Variants in PDE7A observed in about 807,000 individuals in gnomAD.
PDE7A encodes the protein high affinity 3',5'-cyclic-AMP phosphodiesterase 7A.
A neutral mutation model predicts 64.3 loss-of-function variants in PDE7A; 39 were observed. That is an observed-to-expected ratio of 0.61 (90% confidence interval 0.47 to 0.79). The LOEUF (loss-of-function observed/expected upper bound fraction) is 0.79, where lower values mean the gene tolerates loss of function less well. Ranked by LOEUF, PDE7A falls within the 30% of genes least tolerant of loss-of-function variation. The pLI is 0.00. For missense variants in PDE7A, 470 were observed against 582.8 expected, an observed-to-expected ratio of 0.81 and a Z score of 1.99; for synonymous variants, 203 against 206.8, an observed-to-expected ratio of 0.98 and a Z score of 0.16.
chr8:65,752,759 T>G (rs1808026447), intron 3 of PDE7A, among the ~76,000 whole-genome samples: 1 of 152,240 alleles, frequency 6.6e-6, no homozygotes, highest in African/African-American at 2.4e-5. Context: ...TTTAGCTTTT[T>G]AAAATCAGAC....
At chr8:65,753,908 GT>G (rs1275533690) in intron 3 of PDE7A, among the ~76,000 whole-genome samples, 1 of 151,822 alleles carries the variant, frequency 6.6e-6, no homozygotes, top group Non-Finnish European at 1.5e-5. Context: ...AACTTAAAGT[GT>G]ATACTGTCTG....
chr8:65,727,406 CT>C, intron 7 of PDE7A, 105 bp from the exon 8 acceptor site: 1 of 1,501,266 alleles, frequency 6.7e-7, no homozygotes, highest in Non-Finnish European at 9.0e-7. Flanking sequence ...TGGTAATCTC[CT>C]CCCCCTTCAC....
intron 1 of PDE7A, among the ~76,000 whole-genome samples, chr8:65,828,420 T>C (rs1259760006): frequency 3.3e-5 from 5 of 152,184 alleles, no homozygotes; most frequent in Admixed American, 1.3e-4. Flanking sequence ...ATATGGCTAT[T>C]TGGCATCATT....
At position 65,715,723 on chromosome 8, in the gene PDE7A, C is replaced by T. The variant is rs1450540323; in HGVS notation, c.*3567G>A. On this transcript the variant is annotated 3_prime_UTR_variant, in exon 13 of 13. Transcript: ENST00000401827. ...TTAGCTGGCCGGGCACGGTGGCTCA[C>T]GCCTGTAATCCCAGCACTATGGGAG... is the stretch of plus-strand genomic sequence containing the variant. 1.4e-5 allele frequency among the ~76,000 whole-genome samples: 2 copies of T among 146,778 alleles called. No homozygotes were observed. The highest frequency in any genetic ancestry group is 3.0e-5 in the Non-Finnish European group (2 of 66,262).
chr8:65,752,133 C>A (rs564508578), intron 3 of PDE7A, among the ~76,000 whole-genome samples: 1 of 152,304 alleles, frequency 6.6e-6, no homozygotes, highest in South Asian at 2.1e-4. Flanking sequence ...AGTTATTGCA[C>A]GAGGAAGTCA....
intron 5 of PDE7A, among the ~76,000 whole-genome samples, chr8:65,740,782 C>T (rs1197476160): frequency 6.6e-6 from 1 of 152,118 alleles, no homozygotes; most frequent in African/African-American, 2.4e-5. Flanking sequence ...ACTATCCCCA[C>T]CCCACCCCAC....
At chr8:65,804,559 T>C (rs1375786925) in intron 1 of PDE7A, among the ~76,000 whole-genome samples, 1 of 148,410 alleles carries the variant, frequency 6.7e-6, no homozygotes, top group African/African-American at 2.5e-5. Context: ...TTTTTTTTTT[T>C]GAAGACAGTG....
intron 1 of PDE7A, among the ~76,000 whole-genome samples, chr8:65,840,448 T>A (rs561400794): frequency 4.6e-5 from 7 of 151,122 alleles, no homozygotes; most frequent in Admixed American, 1.3e-4. Flanking sequence ...CAAGATACAA[T>A]ATAACTGGAG....
intron 1 of PDE7A, among the ~76,000 whole-genome samples, chr8:65,802,707 A>G (rs896730730): frequency 2.0e-5 from 3 of 152,238 alleles, no homozygotes; most frequent in African/African-American, 7.2e-5. Flanking sequence ...AAAGTCATCA[A>G]TTAAAACTTG....
At chr8:65,761,759 G>A (rs1035830077) in intron 3 of PDE7A, among the ~76,000 whole-genome samples, 1 of 152,198 alleles carries the variant, frequency 6.6e-6, no homozygotes, top group African/African-American at 2.4e-5. Context: ...CAAAAAGTGG[G>A]ATAGCAGACG....
At chr8:65,772,345 A>C (rs1275541112) in intron 3 of PDE7A, among the ~76,000 whole-genome samples, 1 of 152,232 alleles carries the variant, frequency 6.6e-6, no homozygotes, top group Non-Finnish European at 1.5e-5. Context: ...TTTTAATTCT[A>C]TACAAGGTAG....
At chr8:65,754,895 G>A (rs1250369759) in intron 3 of PDE7A, among the ~76,000 whole-genome samples, 24 of 150,388 alleles carry the variant, frequency 1.6e-4, no homozygotes, top group Non-Finnish European at 1.6e-4. Context: ...AACCCGGGAG[G>A]CGGAGGTTGC....
At chr8:65,738,527 G>C (rs184853544) in intron 6 of PDE7A, among the ~76,000 whole-genome samples, 1 of 152,234 alleles carries the variant, frequency 6.6e-6, no homozygotes, top group East Asian at 1.9e-4. Context: ...AGGAAGACTA[G>C]AGTTGATATC....
At chr8:65,798,492 G>A (rs1469327235) in intron 1 of PDE7A, among the ~76,000 whole-genome samples, 3 of 152,024 alleles carry the variant, frequency 2.0e-5, no homozygotes, top group Admixed American at 2.0e-4. Context: ...TTACAGGTGT[G>A]AGCCACCTTG....
At chr8:65,826,305 G>C (rs1427962540) in intron 1 of PDE7A, among the ~76,000 whole-genome samples, 1 of 152,222 alleles carries the variant, frequency 6.6e-6, no homozygotes, top group Admixed American at 6.5e-5. Context: ...TAGAATTCTA[G>C]TGACAGGAGG....
chr8:65,759,859 G>C (rs946769375), intron 3 of PDE7A, among the ~76,000 whole-genome samples: 14 of 151,922 alleles, frequency 9.2e-5, no homozygotes, highest in African/African-American at 3.4e-4. Flanking sequence ...TGGTACTCTA[G>C]ATTTTTTTTT....
intron 3 of PDE7A, among the ~76,000 whole-genome samples, chr8:65,773,276 TA>T (rs969401589): frequency 3.3e-5 from 5 of 152,004 alleles, no homozygotes; most frequent in Non-Finnish European, 5.9e-5. Context: ...TTTTCTCTAT[TA>T]AAAAAAACTC....
Position 65,734,837 on chromosome 8 carries a change from G to A in PDE7A, c.653C>T (p.Ala218Val), listed in dbSNP as rs995189628. The A allele has an allele frequency of 7.4e-6, 12 of 1,611,786 alleles. No individual in the cohort carries two copies. Among genetic ancestry groups the A allele is most frequent in the Non-Finnish European group, 1.0e-5 (12 of 1,177,932 alleles). The change falls in exon 7 of 13, where the codon GCG becomes GTG. Residue 218 changes from alanine to valine, a missense_variant. Coordinates refer to ENST00000401827, the MANE Select transcript of PDE7A (RefSeq NM_001242318.3). ...QNPYHNAVHA[A>V]DVTQAMHCYL... is the part of the protein sequence containing the mutation. Reference sequence around the variant, plus strand: ...ACAGTGCATGGCCTGAGTAACATCCGCAGCGTGGACTGCGTTATGGTAAGG... The same window carrying A: ...ACAGTGCATGGCCTGAGTAACATCCACAGCGTGGACTGCGTTATGGTAAGG...
At chr8:65,766,192 C>G (rs1231372744) in intron 3 of PDE7A, among the ~76,000 whole-genome samples, 1 of 152,114 alleles carries the variant, frequency 6.6e-6, no homozygotes, top group Non-Finnish European at 1.5e-5. Context: ...GTGATCCACC[C>G]GCCTTGGCCT....
Sources: gnomAD v4.1 joint callset for allele counts (sites outside exome capture counted in the v4.1 genomes callset) on GRCh38, gnomAD v4.1.1 for gene constraint, MANE v1.5 for transcripts, NCBI Gene and HGNC (gene_info 2026-07-23, HGNC 2026-07-21) for gene names.